Variants in GRM5 observed in about 807,000 individuals in gnomAD.
The protein encoded by GRM5 is metabotropic glutamate receptor 5.
GRM5 carries 19 observed loss-of-function variants against 83.1 expected under a neutral mutation model. That is an observed-to-expected ratio of 0.23 (90% CI 0.16 to 0.34). The LOEUF (loss-of-function observed/expected upper bound fraction) is 0.34. Ranked by LOEUF, GRM5 falls within the 10% of genes least tolerant of loss-of-function variation. GRM5 has a pLI of 1.00. For synonymous variants in GRM5, 675 were observed against 633.6 expected (o/e 1.07, Z -0.98); for missense variants, 1,160 against 1,588.3 (o/e 0.73, Z 4.58).
intron 2 of GRM5, among the ~76,000 whole-genome samples, chr11:89,008,589 T>A (rs1940595221): frequency 6.6e-6 from 1 of 152,162 alleles, no homozygotes; most frequent in Non-Finnish European, 1.5e-5. Flanking sequence ...TTTGTTATAA[T>A]TGAACTCAAA....
Position 88,645,887 on chromosome 11 carries a change from T to C in GRM5, c.1147+7281A>G, listed in dbSNP as rs372582484. Among the ~76,000 whole-genome samples, 18 of 152,174 alleles carry C rather than the reference T, an allele frequency of 1.2e-4. No individual in the cohort carries two copies. The East Asian group carries it at 3.5e-3, about 29-fold the overall frequency. ...TTTTGTCACCAGTTGGCTATGCGGA[T>C]GGAAGAGGTGGGGACTACTCACTCC... On this transcript the variant is annotated intron_variant, in intron 4 of 9. Coordinates refer to ENST00000305447, the MANE Select transcript of GRM5 (RefSeq NM_001143831.3).
chr11:88,810,289 A>C (rs960634706), intron 3 of GRM5, among the ~76,000 whole-genome samples: 4 of 152,112 alleles, frequency 2.6e-5, no homozygotes, highest in African/African-American at 9.7e-5. Flanking sequence ...CTTTGGTTAA[A>C]AAAACTTGGG....
intron 3 of GRM5, among the ~76,000 whole-genome samples, chr11:88,838,868 T>TACACAC (rs59388840): frequency 0.18 from 26,471 of 144,642 alleles, 2,966 homozygotes; most frequent in Non-Finnish European, 0.26. Flanking sequence ...CCCCTTATGC[T>TACACAC]ACACACACAC....
intron 3 of GRM5, among the ~76,000 whole-genome samples, chr11:88,659,649 T>G (rs537513052): frequency 6.6e-5 from 10 of 152,298 alleles, no homozygotes; most frequent in African/African-American, 2.4e-4. Context: ...ATAGTTATAG[T>G]TATAAAATAA....
chr11:88,728,845 C>T (rs1327992032), intron 3 of GRM5, among the ~76,000 whole-genome samples: 4 of 152,146 alleles, frequency 2.6e-5, no homozygotes, highest in African/African-American at 9.7e-5. Context: ...TAAAAACTCT[C>T]AATAAACTAG....
chr11:88,668,292 A>AAC (rs1297146419), intron 3 of GRM5, among the ~76,000 whole-genome samples: 24 of 90,228 alleles, frequency 2.7e-4, no homozygotes, highest in Admixed American at 5.9e-4. Context: ...CATCCCCAGA[A>AAC]ACTCGCACAC....
intron 2 of GRM5, among the ~76,000 whole-genome samples, chr11:88,888,533 G>C (rs1945084380): frequency 6.6e-6 from 1 of 152,110 alleles, no homozygotes; most frequent in South Asian, 2.1e-4. Flanking sequence ...CCTGGGAGAA[G>C]TTAATTTACC....
chr11:88,916,497 T>G (rs944318201), intron 2 of GRM5, among the ~76,000 whole-genome samples: 4 of 152,086 alleles, frequency 2.6e-5, no homozygotes, highest in African/African-American at 7.2e-5. Context: ...AAATAGCACA[T>G]CTGAGGAGTA....
intron 3 of GRM5, among the ~76,000 whole-genome samples, chr11:88,676,868 C>T (rs1367428712): frequency 6.6e-6 from 1 of 152,010 alleles, no homozygotes; most frequent in Admixed American, 6.6e-5. Context: ...AATGCTTGTG[C>T]TCAAATGGGG....
In GRM5 at chr11:88,508,856, T is replaced by G. The variant is rs2941563; in HGVS notation, c.3375A>C (p.Gly1125=). 0.94 allele frequency: 1,475,194 copies of G among 1,570,512 alleles called. 693,086 individuals are homozygous for G. Among genetic ancestry groups the G allele is most frequent in the East Asian group, 1 (41,738 of 41,750 alleles). ...IQPLPAIEVT[G]GAQPAAGAQA... ...GCGCCCCTGCCGCGGGCTGCGCGCCTCCCGTGACTTCGATGGCCGGCAGAG... is the reference window on the plus strand; with the variant it reads ...GCGCCCCTGCCGCGGGCTGCGCGCCGCCCGTGACTTCGATGGCCGGCAGAG... The change falls in exon 10 of 10, where the codon GGA becomes GGC. Residue 1125 remains glycine, a synonymous_variant. Transcript: ENST00000305447. This position sits in a 1 kb window ranked among gnomAD's most constrained non-coding sequence, Gnocchi z 4.2.
chr11:88,640,250 C>T (rs1427782702), intron 4 of GRM5, among the ~76,000 whole-genome samples: 1 of 152,092 alleles, frequency 6.6e-6, no homozygotes, highest in African/African-American at 2.4e-5. Flanking sequence ...ACTACATGCA[C>T]TAGTATCATG....
intron 2 of GRM5, among the ~76,000 whole-genome samples, chr11:89,032,196 C>T (rs1324021749): frequency 1.3e-5 from 2 of 151,992 alleles, no homozygotes; most frequent in African/African-American, 4.8e-5. Flanking sequence ...GTAGCAGCAT[C>T]AATCATTTTA....
chr11:88,727,426 G>A (rs185097916), intron 3 of GRM5, among the ~76,000 whole-genome samples: 22 of 152,076 alleles, frequency 1.4e-4, no homozygotes, highest in African/African-American at 5.1e-4. Flanking sequence ...AGATTCAAAC[G>A]CAATAATAGT....
At chr11:89,006,445 C>T (rs1420427859) in intron 2 of GRM5, among the ~76,000 whole-genome samples, 2 of 152,196 alleles carry the variant, frequency 1.3e-5, no homozygotes, top group East Asian at 1.9e-4. Context: ...TGGACCCCTG[C>T]TCCTAACCCA....
intron 3 of GRM5, among the ~76,000 whole-genome samples, chr11:88,669,953 A>G (rs1940149768): frequency 6.6e-6 from 1 of 152,076 alleles, no homozygotes; most frequent in Admixed American, 6.6e-5. Context: ...TAAAATTTAT[A>G]GGGAAATGTA....
At chr11:88,581,636 C>G (rs996698409) in intron 7 of GRM5, among the ~76,000 whole-genome samples, 2 of 152,138 alleles carry the variant, frequency 1.3e-5, no homozygotes, top group African/African-American at 4.8e-5. Flanking sequence ...GTGAACTTAT[C>G]TAGAGAAACC....
chr11:88,540,504 T>A (rs1330704590), intron 8 of GRM5, among the ~76,000 whole-genome samples: 1 of 152,034 alleles, frequency 6.6e-6, no homozygotes, highest in Non-Finnish European at 1.5e-5. Context: ...TTACTTTTGA[T>A]AGATGCAGCT....
At chr11:88,841,745 G>C (rs1944206857) in intron 3 of GRM5, among the ~76,000 whole-genome samples, 1 of 152,130 alleles carries the variant, frequency 6.6e-6, no homozygotes, top group Non-Finnish European at 1.5e-5. Flanking sequence ...TTCTTCTTGG[G>C]AGCAGTTTCA....
At chr11:88,858,509 G>A (rs926778781) in intron 2 of GRM5, among the ~76,000 whole-genome samples, 5 of 151,932 alleles carry the variant, frequency 3.3e-5, no homozygotes, top group Non-Finnish European at 7.4e-5. Flanking sequence ...GATCTTAAGA[G>A]CAAAGGTACA....
Sources: gnomAD v4.1 joint callset for allele counts (sites outside exome capture counted in the v4.1 genomes callset) on GRCh38, gnomAD v4.1.1 for gene constraint, Gnocchi (gnomAD v3.1) non-coding constraint, MANE v1.5 for transcripts, NCBI Gene and HGNC (gene_info 2026-07-23, HGNC 2026-07-21) for gene names.